SEL1L3: variants seen among roughly 807,000 people sequenced by gnomAD.
SEL1L3 encodes protein sel-1 homolog 3.
A neutral mutation model predicts 142.8 loss-of-function variants in SEL1L3; 76 were observed. The observed-to-expected ratio is 0.53, with a 90% CI of 0.44 to 0.64. SEL1L3 has a LOEUF of 0.64. Ranked by LOEUF, SEL1L3 falls within the 30% of genes least tolerant of loss-of-function variation. The pLI is 0.00. For missense variants in SEL1L3, 1,262 were observed against 1,381.7 expected, an observed-to-expected ratio of 0.91 and a Z score of 1.37; for synonymous variants, 504 against 519.6, an observed-to-expected ratio of 0.97 and a Z score of 0.41.
intron 1 of SEL1L3, among the ~76,000 whole-genome samples, chr4:25,848,534 C>T (rs1201250329): frequency 1.3e-5 from 2 of 152,218 alleles, no homozygotes; most frequent in African/African-American, 4.8e-5. Flanking sequence ...GTTTATTTAT[C>T]TGGTCATGAA....
intron 2 of SEL1L3, among the ~76,000 whole-genome samples, chr4:25,843,436 G>A (rs139699301): frequency 0.011 from 1,602 of 152,298 alleles, 12 homozygotes; most frequent in Non-Finnish European, 0.017. Context: ...GCCAGCACTA[G>A]GTGACTCTCA....
At chr4:25,817,442 C>T (rs1021233033) in intron 9 of SEL1L3, among the ~76,000 whole-genome samples, 2 of 152,226 alleles carry the variant, frequency 1.3e-5, no homozygotes, top group African/African-American at 2.4e-5. Context: ...CCCTCACGTC[C>T]CTAGAATATG....
At chr4:25,831,029 A>T (rs1715404284) in intron 5 of SEL1L3, among the ~76,000 whole-genome samples, 1 of 152,154 alleles carries the variant, frequency 6.6e-6, no homozygotes, top group Non-Finnish European at 1.5e-5. Flanking sequence ...GAATAGAAAG[A>T]AGAAGGACAA....
At chr4:25,831,519 T>A (rs200859674) in intron 5 of SEL1L3, among the ~76,000 whole-genome samples, 27,596 of 128,980 alleles carry the variant, frequency 0.21, 2,886 homozygotes, top group South Asian at 0.3. Flanking sequence ...TAATTATTAT[T>A]ATTATTATTA....
Position 25,819,877 on chromosome 4 carries a change from C to T in SEL1L3, c.1354G>A (p.Ala452Thr). 6.2e-7 allele frequency: 1 copy of T among 1,613,374 alleles called. No homozygotes were observed. Among genetic ancestry groups the T allele is most frequent in the East Asian group, 2.2e-5 (1 of 44,874 alleles). Residue 452 changes from alanine to threonine, a missense_variant, in exon 8 of 24, where the codon GCT becomes ACT. Transcript: ENST00000399878. ...ACAGATACTATTTCTTGAACCTCAG[C>T]ACACCTTTCATAATATAACTTGATT... ...EQIKLYYERCAEVQEIVSVYA... is the reference protein window; with the variant it reads ...EQIKLYYERCTEVQEIVSVYA...
At chr4:25,825,909 T>C (rs929017088) in intron 6 of SEL1L3, among the ~76,000 whole-genome samples, 3 of 151,898 alleles carry the variant, frequency 2.0e-5, no homozygotes, top group African/African-American at 7.3e-5. Flanking sequence ...CTTGACCTCA[T>C]GATCCGCCTG....
Position 25,804,641 on chromosome 4 carries a change from G to C in SEL1L3, c.1676C>G (p.Pro559Arg). 6.2e-7 allele frequency: 1 copy of C among 1,613,798 alleles called. No individual in the cohort carries two copies. Among genetic ancestry groups the C allele is most frequent in the Non-Finnish European group, 8.5e-7 (1 of 1,179,708 alleles). Reference protein sequence around the residue: ...DGLHQISSIVPFLTDSSCCGY... With the variant: ...DGLHQISSIVRFLTDSSCCGY... ...ACAGCAGCTGGAATCCGTCAGAAAGGGGACGATAGAGCTAATTTGGTGAAG... is the reference window on the plus strand; with the variant it reads ...ACAGCAGCTGGAATCCGTCAGAAAGCGGACGATAGAGCTAATTTGGTGAAG... The change falls in exon 10 of 24, where the codon CCC becomes CGC. Residue 559 changes from proline (P) to arginine (R), a missense_variant. Pro to Arg is a moderately radical substitution (Grantham distance 103, BLOSUM62 -2). Transcript: ENST00000399878.
chr4:25,724,855 C>T, the SEL1L3 span, among the ~76,000 whole-genome samples: 1 of 151,720 alleles, frequency 6.6e-6, no homozygotes, highest in African/African-American at 2.4e-5. Context: ...TTCTCCCTTG[C>T]AGCCCTCAGG....
chr4:25,793,767 G>A (rs1378579251), intron 11 of SEL1L3, among the ~76,000 whole-genome samples: 1 of 152,134 alleles, frequency 6.6e-6, no homozygotes, highest in Admixed American at 6.5e-5. Context: ...ACCAACCTAT[G>A]AGCCATTCTT....
At chr4:25,777,988 T>A in intron 16 of SEL1L3, 1 of 375,974 alleles carries the variant, frequency 2.7e-6, no homozygotes, top group Non-Finnish European at 5.3e-6. Flanking sequence ...TCCTCAAGAA[T>A]GTAAAAAGCA....
chr4:25,723,168 TCCTCTGCTG>T, the SEL1L3 span, among the ~76,000 whole-genome samples: 1 of 152,002 alleles, frequency 6.6e-6, no homozygotes, highest in African/African-American at 2.4e-5. Context: ...GGCCCTGGAG[TCCTCTGCTG>T]AGGACTGATA....
chr4:25,771,242 A>T (rs1719164331), intron 17 of SEL1L3, among the ~76,000 whole-genome samples: 2 of 152,232 alleles, frequency 1.3e-5, no homozygotes, highest in African/African-American at 4.8e-5. Flanking sequence ...AAGCTTTAGA[A>T]AGTCAACCAG....
chr4:25,828,083 G>A (rs762478145), intron 6 of SEL1L3, among the ~76,000 whole-genome samples: 2 of 152,096 alleles, frequency 1.3e-5, no homozygotes, highest in African/African-American at 4.8e-5. Flanking sequence ...AATCTACCTC[G>A]GTGCTCTTGA....
the SEL1L3 span, chr4:25,718,560 A>C: frequency 6.6e-6 from 1 of 152,226 alleles, no homozygotes; most frequent in East Asian, 1.9e-4. Flanking sequence ...CATAATAACA[A>C]GTGCTATGTG....
chr4:25,742,696 TCTTA>T (rs58015882), downstream of SEL1L3, among the ~76,000 whole-genome samples: 32,927 of 152,094 alleles, frequency 0.22, 4,040 homozygotes, highest in African/African-American at 0.33. Flanking sequence ...GTAAATGAAA[TCTTA>T]CTTACATTTA....
chr4:25,723,992 A>C, the SEL1L3 span, among the ~76,000 whole-genome samples: 2 of 152,224 alleles, frequency 1.3e-5, no homozygotes. Context: ...AAGAGGAATG[A>C]GGATAGAAAA....
intron 1 of SEL1L3, among the ~76,000 whole-genome samples, chr4:25,862,436 C>T (rs1316190565): frequency 1.3e-5 from 2 of 152,070 alleles, no homozygotes; most frequent in African/African-American, 4.8e-5. Flanking sequence ...AGAGAGAGTC[C>T]AGGAGGGAAA....
downstream of SEL1L3, among the ~76,000 whole-genome samples, chr4:25,746,505 T>A (rs1389840868): frequency 9.1e-6 from 1 of 110,222 alleles, no homozygotes; most frequent in Non-Finnish European, 1.9e-5. Flanking sequence ...CAATATTATC[T>A]AAATATATAT....
intron 1 of SEL1L3, among the ~76,000 whole-genome samples, chr4:25,853,616 C>T (rs541061010): frequency 6.7e-6 from 1 of 149,220 alleles, no homozygotes; most frequent in Non-Finnish European, 1.5e-5. Flanking sequence ...TTTGGATACA[C>T]TGAGTTAAAT....
Sources: allele counts gnomAD v4.1 joint callset (sites outside exome capture counted in the v4.1 genomes callset), GRCh38; gene constraint gnomAD v4.1.1; transcripts MANE v1.5; gene names NCBI Gene and HGNC (gene_info 2026-07-23, HGNC 2026-07-21).